Variants in SLC37A3 observed in about 807,000 individuals in gnomAD.
SLC37A3 encodes solute carrier family 37 member 3.
SLC37A3 carries 51 observed loss-of-function variants against 67.1 expected under a neutral mutation model. The ratio of observed to expected loss-of-function variants is 0.76; its 90% CI spans 0.61 to 0.96. SLC37A3 has a LOEUF of 0.96. Among genes scored for constraint, SLC37A3 ranks in the 40% least tolerant of loss-of-function variants. The probability of loss-of-function intolerance (pLI) is 0.00; values close to 1 mark genes in which losing one functional copy is unlikely to be tolerated. For missense variants in SLC37A3, 508 were observed against 603.0 expected (o/e 0.84, Z 1.65); for synonymous variants, 214 against 231.4 (o/e 0.92, Z 0.68).
chr7:140,381,797 G>C lies in SLC37A3; in HGVS notation c.89+641C>G, dbSNP rs144827408. Among the ~76,000 whole-genome samples, 780 of 152,132 alleles carry C rather than the reference G, an allele frequency of 5.1e-3. 9 individuals carry two copies. Among genetic ancestry groups the C allele is most frequent in the African/African-American group, 0.017 (715 of 41,500 alleles). On this transcript the variant is annotated intron_variant, in intron 2 of 14. Transcript: ENST00000326232. The stretch of plus-strand genomic sequence containing the variant: ...TAATCCCAGCACTTTGGGAGGCCGA[G>C]GTGGGCAGATTACGAAGTCAGGAGA...
intron 4 of SLC37A3, among the ~76,000 whole-genome samples, chr7:140,367,912 C>T (rs765649646): frequency 1.3e-5 from 2 of 151,536 alleles, no homozygotes. Context: ...CTCCTCCTCC[C>T]GGGTTCAAGC....
intron 4 of SLC37A3, 27 bp from the exon 5 acceptor site, chr7:140,364,518 G>A (rs1230903541): frequency 5.6e-6 from 9 of 1,599,706 alleles, no homozygotes; most frequent in African/African-American, 1.3e-5. Flanking sequence ...TTCTTTTACA[G>A]CTCTAAATAA....
At chr7:140,377,771 C>CT (rs1798090132) in intron 3 of SLC37A3, among the ~76,000 whole-genome samples, 1 of 152,114 alleles carries the variant, frequency 6.6e-6, no homozygotes, top group African/African-American at 2.4e-5. Context: ...TGGCATACAC[C>CT]TGTAGTCCCA....
At chr7:140,342,826 G>T (rs1796410616) in intron 13 of SLC37A3, among the ~76,000 whole-genome samples, 1 of 152,220 alleles carries the variant, frequency 6.6e-6, no homozygotes, top group Non-Finnish European at 1.5e-5. Context: ...TCTGTAGTAT[G>T]CTTGGTGTTC....
intron 5 of SLC37A3, among the ~76,000 whole-genome samples, chr7:140,363,740 CAA>C (rs71170980): frequency 1.5e-3 from 158 of 107,826 alleles, no homozygotes; most frequent in Middle Eastern, 6.0e-3. Flanking sequence ...AACTCCGCCT[CAA>C]AAAAAAAAAA....
chr7:140,358,771 A>G lies in SLC37A3; in HGVS notation c.390T>C (p.Gly130=). The change falls in exon 6 of 15, where the codon GGT becomes GGC. Residue 130 remains glycine (G), a synonymous_variant. Transcript: ENST00000326232. ...CSSALVVFVF[G]ALTEWLRFYN... ...AGAAACGCAGCCATTCTGTGAGCGCACCAAAGACAAACACCTTGAAGAGGA... is the reference window on the plus strand; with the variant it reads ...AGAAACGCAGCCATTCTGTGAGCGCGCCAAAGACAAACACCTTGAAGAGGA... 1 of 1,614,144 alleles carries G rather than the reference A, an allele frequency of 6.2e-7. No individual in the cohort carries two copies. The highest frequency in any genetic ancestry group is 1.7e-5 in the Admixed American group (1 of 59,998).
At chr7:140,337,678 T>C (rs1796196687) in intron 13 of SLC37A3, 3 of 188,260 alleles carry the variant, frequency 1.6e-5, no homozygotes, top group Non-Finnish European at 1.1e-5. Flanking sequence ...GGTACTATAA[T>C]TGATGCCTCA....
intron 1 of SLC37A3, among the ~76,000 whole-genome samples, chr7:140,385,373 T>C (rs1483062606): frequency 6.6e-6 from 1 of 152,230 alleles, no homozygotes; most frequent in Admixed American, 6.6e-5. Flanking sequence ...ACTAGTGTTA[T>C]GACTAAATTT....
rs1374030768 is a variant in SLC37A3 at position 140,337,264 on chromosome 7, TTA to T, written c.1392+18_1392+19del. The T allele has an allele frequency of 9.1e-6, 14 of 1,540,370 alleles. No individual in the cohort carries two copies. Among genetic ancestry groups the T allele is most frequent in the Admixed American group, 4.4e-5 (2 of 45,274 alleles). ...TAACAGAAAAATGACTTTTTTTTTT[TTA>T]AAGGGGCACACACTTACCATGAGAA... On this transcript the variant is annotated intron_variant, in intron 14 of 14. Transcript: ENST00000326232.
chr7:140,369,090 C>G (rs1423664453), intron 4 of SLC37A3, among the ~76,000 whole-genome samples: 6 of 152,108 alleles, frequency 3.9e-5, no homozygotes, highest in Non-Finnish European at 8.8e-5. Flanking sequence ...TGAGCCCCAC[C>G]GCATCTCTGG....
At chr7:140,357,252 T>C (rs1797067721) in intron 6 of SLC37A3, among the ~76,000 whole-genome samples, 1 of 151,992 alleles carries the variant, frequency 6.6e-6, no homozygotes, top group Admixed American at 6.6e-5. Context: ...AAACCTAGCA[T>C]ATGATCCAGC....
At chr7:140,398,321 A>C (rs1443165121) in intron 1 of SLC37A3, 95 bp downstream of exon 1, 1 of 151,748 alleles carries the variant, frequency 6.6e-6, no homozygotes, top group African/African-American at 2.4e-5. Context: ...CGCCACCTAC[A>C]TCTCCCCACC....
In SLC37A3 at chr7:140,345,921, C is replaced by T. The variant is rs751140331; in HGVS notation, c.1074G>A (p.Pro358=). 4.5e-5 allele frequency: 73 copies of T among 1,613,890 alleles called. No homozygotes were observed. The highest frequency in any genetic ancestry group is 2.2e-4 in the South Asian group (20 of 91,082). ...CCAGAAGCAGACTCAGGGCAAGAACCGGCGCTCTCTTCTGTAGTACATCAG... is the reference window on the plus strand; with the variant it reads ...CCAGAAGCAGACTCAGGGCAAGAACTGGCGCTCTCTTCTGTAGTACATCAG... The part of the protein sequence containing the change: ...FISDVLQKRA[P]VLALSLLLAV... Residue 358 remains proline, a synonymous_variant, in exon 11 of 15, where the codon CCG becomes CCA. Coordinates refer to ENST00000326232, the MANE Select transcript of SLC37A3 (RefSeq NM_207113.3).
chr7:140,384,424 A>AT (rs1211048472), intron 1 of SLC37A3, among the ~76,000 whole-genome samples: 1 of 152,176 alleles, frequency 6.6e-6, no homozygotes, highest in African/African-American at 2.4e-5. Context: ...AAAGTACTAT[A>AT]TTTTAGGCTG....
chr7:140,385,017 G>C (rs901846503), intron 1 of SLC37A3, among the ~76,000 whole-genome samples: 8 of 152,202 alleles, frequency 5.3e-5, no homozygotes, highest in Admixed American at 3.9e-4. Flanking sequence ...AGTTGAGGTG[G>C]TTACAATTAT....
chr7:140,397,216 C>CA (rs1386353535), intron 1 of SLC37A3, among the ~76,000 whole-genome samples: 2 of 145,290 alleles, frequency 1.4e-5, no homozygotes, highest in African/African-American at 2.5e-5. Context: ...AAAAAAAAGA[C>CA]AGAGTCTGGC....
chr7:140,379,004 G>A (rs906545439), intron 3 of SLC37A3, among the ~76,000 whole-genome samples: 3 of 151,592 alleles, frequency 2.0e-5, no homozygotes, highest in East Asian at 2.0e-4. Flanking sequence ...CCGAGATCAC[G>A]CCTGACTTCA....
intron 13 of SLC37A3, among the ~76,000 whole-genome samples, chr7:140,338,861 G>A (rs1439691180): frequency 6.6e-6 from 1 of 151,924 alleles, no homozygotes; most frequent in African/African-American, 2.4e-5. Context: ...CTCCTCCCAG[G>A]TTCAAGCGAT....
chr7:140,363,666 C>T (rs1252262659), intron 5 of SLC37A3, among the ~76,000 whole-genome samples: 6 of 114,200 alleles, frequency 5.3e-5, no homozygotes, highest in African/African-American at 1.7e-4. Context: ...TCCCCCTCTG[C>T]GAGAAACACC....
Sources: allele counts gnomAD v4.1 joint callset (sites outside exome capture counted in the v4.1 genomes callset), GRCh38; gene constraint gnomAD v4.1.1; transcripts MANE v1.5; gene names NCBI Gene and HGNC (gene_info 2026-07-23, HGNC 2026-07-21).